The following IDH3A variants were observed in gnomAD, a reference collection of about 807,000 sequenced individuals.
IDH3A encodes the protein isocitrate dehydrogenase [NAD] subunit alpha, mitochondrial.
Under a neutral mutation model 43.3 loss-of-function variants are expected in IDH3A, and 23 were observed. The ratio of observed to expected loss-of-function variants is 0.53; its 90% CI spans 0.38 to 0.75. The LOEUF is 0.75. Ranked by LOEUF, IDH3A falls within the 30% of genes least tolerant of loss-of-function variation. IDH3A has a pLI of 0.00. For missense variants in IDH3A, 329 were observed against 474.4 expected, an observed-to-expected ratio of 0.69 and a Z score of 2.85; for synonymous variants, 154 against 163.5, an observed-to-expected ratio of 0.94 and a Z score of 0.44.
intron 3 of IDH3A, among the ~76,000 whole-genome samples, chr15:78,158,441 A>T (rs2074645259): frequency 1.2e-5 from 1 of 84,624 alleles, no homozygotes; most frequent in African/African-American, 6.5e-5. Context: ...TATGCAATAC[A>T]TACATACATA....
At chr15:78,157,522 C>T (rs967492022) in intron 2 of IDH3A, 26 bp from the exon 3 acceptor site, 1 of 1,530,016 alleles carries the variant, frequency 6.5e-7, no homozygotes, top group Admixed American at 2.0e-5. Context: ...TTCTTACTGT[C>T]TTCTTTGATG....
At chr15:78,152,604 C>T (rs1364299579) in intron 1 of IDH3A, among the ~76,000 whole-genome samples, 5 of 152,064 alleles carry the variant, frequency 3.3e-5, no homozygotes, top group African/African-American at 1.2e-4. Flanking sequence ...AGGTGATTTG[C>T]CTGCCTCAGC....
chr15:78,162,130 C>A, intron 5 of IDH3A, 104 bp from the exon 6 acceptor site: 1 of 1,189,148 alleles, frequency 8.4e-7, no homozygotes, highest in Non-Finnish European at 1.2e-6. Context: ...CTAGCTGGCA[C>A]TGTGCAGGCC....
At chr15:78,164,964 A>AT (rs1308125391) in intron 8 of IDH3A, 28 bp from the exon 9 acceptor site, 1 of 1,581,846 alleles carries the variant, frequency 6.3e-7, no homozygotes, top group Admixed American at 1.7e-5. Context: ...TTTTAAAAAC[A>AT]TTCTTTGAAA....
In IDH3A at chr15:78,171,450, T is replaced by A; in HGVS notation, c.*2445T>A. On this transcript the variant is annotated 3_prime_UTR_variant, in exon 11 of 11. Transcript: ENST00000299518. ...CTGCAGGCATAGGCCCTGATTACATTTTTTGCTCTTGGTAAAAGGAGTCAA... is the reference window on the plus strand; with the variant it reads ...CTGCAGGCATAGGCCCTGATTACATATTTTGCTCTTGGTAAAAGGAGTCAA... The A allele has an allele frequency of 6.2e-7, 1 of 1,613,998 alleles. No homozygotes were observed. The highest frequency in any genetic ancestry group is 1.1e-5 in the South Asian group (1 of 91,074).
Position 78,171,606 on chromosome 15 carries a change from C to A in IDH3A, c.*2601C>A. 8.2e-7 allele frequency: 1 copy of A among 1,225,840 alleles called. No individual in the cohort carries two copies. The highest frequency in any genetic ancestry group is 1.2e-6 in the Non-Finnish European group (1 of 833,568). The allele number at this position is 1,225,840 out of a possible 1,614,324, so 75.9% of individuals were successfully genotyped here. A position where few individuals can be genotyped will look rare whatever the true frequency, so the allele number is the denominator to read the frequency against. Reference sequence around the variant, plus strand: ...AGAATGTGTGTGGTAAAGACTCACACTCAGTCCTATATATAACTCAGGAAT... The same window carrying A: ...AGAATGTGTGTGGTAAAGACTCACAATCAGTCCTATATATAACTCAGGAAT... On this transcript the variant is annotated 3_prime_UTR_variant, in exon 11 of 11. Coordinates refer to ENST00000299518, the MANE Select transcript of IDH3A (RefSeq NM_005530.3).
chr15:78,158,301 G>A (rs28588665), intron 3 of IDH3A, among the ~76,000 whole-genome samples: 2,076 of 151,556 alleles, frequency 0.014, 46 homozygotes, highest in African/African-American at 0.047. Flanking sequence ...TAAGCTGCTT[G>A]TGAACAGCAC....
chr15:78,164,936 C>A, intron 8 of IDH3A, 56 bp from the exon 9 acceptor site: 2 of 1,325,620 alleles, frequency 1.5e-6, no homozygotes, highest in Non-Finnish European at 2.2e-6. Context: ...AATCTGGGTG[C>A]TAGGTGAGAT....
In IDH3A at chr15:78,166,297, G is replaced by A. The variant is rs770519370; in HGVS notation, c.1012G>A (p.Gly338Arg). The change falls in exon 10 of 11, where the codon GGA becomes AGA. Residue 338 changes from glycine (G) to arginine (R), a missense_variant. By Grantham distance (125) the Gly-to-Arg change is moderately radical. This residue lies in a region of IDH3A where 91 missense variants were observed against 111.6 expected (regional missense o/e 0.82). Transcript: ENST00000299518. ...EAACFATIKD[G>R]KSLTKDLGGN... ...TGCGTGTTTTGCTACAATTAAGGAC[G>A]GAAAGGTAACAGGAATCTTGATTTA... The A allele has an allele frequency of 5.6e-6, 9 of 1,614,016 alleles. No homozygotes were observed. Among genetic ancestry groups the A allele is most frequent in the Non-Finnish European group, 7.6e-6 (9 of 1,179,918 alleles).
rs1483913927 is a variant in IDH3A, at chr15:78,149,381, C to T, written c.-23C>T. The T allele has an allele frequency of 2.0e-6, 3 of 1,535,868 alleles. No individual in the cohort carries two copies. The highest frequency in any genetic ancestry group is 1.9e-5 in the Admixed American group (1 of 52,584). Reference sequence around the variant, plus strand: ...TTGCGCACTGCCGCTGCGGCTGTTGCTGCGGAGCCAGGAGGGGAAGCGATG... The same window carrying T: ...TTGCGCACTGCCGCTGCGGCTGTTGTTGCGGAGCCAGGAGGGGAAGCGATG... On this transcript the variant is annotated 5_prime_UTR_variant, in exon 1 of 11. Coordinates refer to ENST00000299518, the MANE Select transcript of IDH3A (RefSeq NM_005530.3).
At chr15:78,159,407 T>C (rs920661076) in intron 3 of IDH3A, among the ~76,000 whole-genome samples, 1 of 152,172 alleles carries the variant, frequency 6.6e-6, no homozygotes, top group African/African-American at 2.4e-5. Flanking sequence ...TTATAATATA[T>C]GGTCTTTTAT....
intron 1 of IDH3A, among the ~76,000 whole-genome samples, chr15:78,154,202 AAC>A (rs199963687): frequency 0.047 from 7,099 of 150,080 alleles, 199 homozygotes; most frequent in South Asian, 0.18. Context: ...AAAAAAAAAA[AAC>A]ACGTACCAGT....
chr15:78,149,384 C>G lies in IDH3A; in HGVS notation c.-20C>G, dbSNP rs370008020. 3.4e-4 allele frequency: 525 copies of G among 1,536,290 alleles called. 1 individual carries two copies. The African/African-American group carries it at 3.6e-3, about 10-fold the overall frequency. On this transcript the variant is annotated 5_prime_UTR_variant, in exon 1 of 11. Coordinates refer to ENST00000299518, the MANE Select transcript of IDH3A (RefSeq NM_005530.3). ...CGCACTGCCGCTGCGGCTGTTGCTGCGGAGCCAGGAGGGGAAGCGATGGCT... is the reference window on the plus strand; with the variant it reads ...CGCACTGCCGCTGCGGCTGTTGCTGGGGAGCCAGGAGGGGAAGCGATGGCT...
chr15:78,151,796 G>GATAT (rs141975807), intron 1 of IDH3A, among the ~76,000 whole-genome samples: 257 of 149,140 alleles, frequency 1.7e-3, no homozygotes, highest in African/African-American at 5.5e-3. Flanking sequence ...AATGATGTGA[G>GATAT]ATATATATAT....
In IDH3A at chr15:78,162,330, C is replaced by A. The variant is rs201474168; in HGVS notation, c.574C>A (p.Arg192=). ...CTTTGAGTATGCCCGGAACAACCAC[C>A]GGAGCAACGTCACGGCGGTGCACAA... ...FAFEYARNNH[R]SNVTAVHKAN... Residue 192 remains arginine, a synonymous_variant, in exon 6 of 11, where the codon CGG becomes AGG. Coordinates refer to ENST00000299518, the MANE Select transcript of IDH3A (RefSeq NM_005530.3). 662 of 1,614,168 alleles carry A rather than the reference C, an allele frequency of 4.1e-4. 2 individuals are homozygous for A. Among genetic ancestry groups the A allele is most frequent in the East Asian group, 2.5e-4 (11 of 44,872 alleles).
rs759779787 is a variant in IDH3A at position 78,163,797 on chromosome 15, C to G, written c.779+17C>G. 1.9e-6 allele frequency: 3 copies of G among 1,558,840 alleles called. No homozygotes were observed. Among genetic ancestry groups the G allele is most frequent in the Non-Finnish European group, 1.8e-6 (2 of 1,130,258 alleles). On this transcript the variant is annotated intron_variant, in intron 8 of 10. Transcript: ENST00000299518. The stretch of plus-strand genomic sequence containing the variant: ...CATCCTTAGGTGAGTCTGGCTGCAA[C>G]CTATTTATTTTAGCCTATGATTTAC...
intron 10 of IDH3A, 49 bp from the exon 11 acceptor site, chr15:78,168,873 A>C (rs533217194): frequency 5.8e-6 from 7 of 1,212,762 alleles, no homozygotes; most frequent in Non-Finnish European, 8.5e-6. Context: ...TCCTTGGTTT[A>C]GTTTAGTTTG....
rs1232666947 is a variant in IDH3A, at chr15:78,162,249, G to A, written c.493G>A (p.Val165Met). ...TGTCTTGCAGATTGTTGATGGAGTC[G>A]TGCAGAGTATCAAGCTCATCACCGA... Reference protein sequence around the residue: ...GIEHVIVDGVVQSIKLITEGA... With the variant: ...GIEHVIVDGVMQSIKLITEGA... The change falls in exon 6 of 11, where the codon GTG becomes ATG. Residue 165 changes from valine (V) to methionine (M), a missense_variant. Physicochemically the swap from Val to Met is conservative, Grantham distance 21. Coordinates refer to ENST00000299518, the MANE Select transcript of IDH3A (RefSeq NM_005530.3). 2 of 1,614,034 alleles carry A rather than the reference G, an allele frequency of 1.2e-6. No individual in the cohort carries two copies. Among genetic ancestry groups the A allele is most frequent in the African/African-American group, 1.3e-5 (1 of 74,924 alleles).
At chr15:78,167,288 C>A (rs1027670771) in intron 10 of IDH3A, among the ~76,000 whole-genome samples, 1 of 152,096 alleles carries the variant, frequency 6.6e-6, no homozygotes, top group African/African-American at 2.4e-5. Flanking sequence ...AACTGAGGTA[C>A]AGAGAGAATA....
Sources: allele counts gnomAD v4.1 joint callset (sites outside exome capture counted in the v4.1 genomes callset), GRCh38; gene constraint gnomAD v4.1.1; regional missense constraint gnomAD v4.1.1; transcripts MANE v1.5; gene names NCBI Gene and HGNC (gene_info 2026-07-23, HGNC 2026-07-21).